The following STIM1 variants were observed in gnomAD, a reference collection of about 807,000 sequenced individuals.
STIM1 encodes the protein stromal interaction molecule 1.
STIM1 carries 25 observed loss-of-function variants against 74.7 expected under a neutral mutation model. That is an observed-to-expected ratio of 0.33 (90% CI 0.24 to 0.47). STIM1 has a LOEUF of 0.47. Among genes scored for constraint, STIM1 ranks in the 20% least tolerant of loss-of-function variants. STIM1 has a pLI of 1.00. For synonymous variants in STIM1, 328 were observed against 348.8 expected, an observed-to-expected ratio of 0.94 and a Z score of 0.66; for missense variants, 728 against 920.8, an observed-to-expected ratio of 0.79 and a Z score of 2.71.
At chr11:3,875,692 C>G (rs2135292679) in intron 1 of STIM1, among the ~76,000 whole-genome samples, 1 of 150,898 alleles carries the variant, frequency 6.6e-6, no homozygotes, top group African/African-American at 2.4e-5. Context: ...TGCCACTGCA[C>G]TCCAGCCTGG....
chr11:3,901,196 A>G (rs1295065625), intron 1 of STIM1, among the ~76,000 whole-genome samples: 1 of 152,166 alleles, frequency 6.6e-6, no homozygotes, highest in Non-Finnish European at 1.5e-5. Context: ...AATAAATAAA[A>G]TAAGTGTTCT....
intron 1 of STIM1, among the ~76,000 whole-genome samples, chr11:3,963,252 C>T (rs993634814): frequency 3.9e-5 from 6 of 152,240 alleles, no homozygotes; most frequent in African/African-American, 1.4e-4. Flanking sequence ...CTCCACCCTC[C>T]GAAAGGCCCC....
chr11:3,906,126 G>C (rs1340609877), intron 1 of STIM1, among the ~76,000 whole-genome samples: 1 of 152,238 alleles, frequency 6.6e-6, no homozygotes, highest in African/African-American at 2.4e-5. Flanking sequence ...CAGCTTCCAG[G>C]CCCAGAGGGG....
intron 1 of STIM1, among the ~76,000 whole-genome samples, chr11:3,934,770 T>A (rs1254002265): frequency 6.6e-6 from 1 of 152,238 alleles, no homozygotes; most frequent in Non-Finnish European, 1.5e-5. Flanking sequence ...CCATAGCCCT[T>A]CAAACATGCA....
At position 4,032,207 on chromosome 11, in the gene STIM1, C is replaced by T. The variant is rs190639620; in HGVS notation, c.385+8220C>T. On this transcript the variant is annotated intron_variant, in intron 3 of 12. Transcript: ENST00000526596. ...TGTTTAAGCTGAGTGCAGTAGCATA[C>T]ACTGTAGTCCCAGCTATTCAGGTGG... is the stretch of plus-strand genomic sequence containing the variant. 5.9e-5 allele frequency among the ~76,000 whole-genome samples: 9 copies of T among 152,196 alleles called. No homozygotes were observed. The East Asian group carries it at 1.5e-3, about 26-fold the overall frequency.
At chr11:4,021,774 G>A (rs931757857) in intron 2 of STIM1, among the ~76,000 whole-genome samples, 5 of 152,078 alleles carry the variant, frequency 3.3e-5, no homozygotes, top group South Asian at 4.2e-4. Flanking sequence ...GCTTTGGGTA[G>A]TATGAATATT....
chr11:4,074,534 T>C lies in STIM1; in HGVS notation c.824T>C (p.Val275Ala). 1 of 1,613,926 alleles carries C rather than the reference T, an allele frequency of 6.2e-7. No individual in the cohort carries two copies. Among genetic ancestry groups the C allele is most frequent in the Non-Finnish European group, 8.5e-7 (1 of 1,179,994 alleles). ...AAGGCCCAGGAGGAGCACCGCACAG[T>C]GGAGGTGGAGAAGGTCCATCTGGAA... is the stretch of plus-strand genomic sequence containing the variant. Reference protein sequence around the residue: ...LHKAQEEHRTVEVEKVHLEKK... With the variant: ...LHKAQEEHRTAEVEKVHLEKK... Residue 275 changes from valine (V) to alanine (A), a missense_variant, in exon 7 of 13, where the codon GTG (valine) becomes GCG (alanine). Around this residue, in one of 5 missense-constraint regions of STIM1, gnomAD observed 131 missense variants for 235.9 expected, o/e 0.56. Transcript: ENST00000526596.
At chr11:4,064,558 T>G (rs1408998424) in intron 5 of STIM1, among the ~76,000 whole-genome samples, 1 of 152,206 alleles carries the variant, frequency 6.6e-6, no homozygotes, top group Non-Finnish European at 1.5e-5. Flanking sequence ...TGAGCTATAA[T>G]AAAAATTCTG....
At chr11:4,078,569 CTT>C (rs769040845) in intron 7 of STIM1, among the ~76,000 whole-genome samples, 11 of 141,938 alleles carry the variant, frequency 7.7e-5, no homozygotes, top group Non-Finnish European at 9.3e-5. Flanking sequence ...TAGGACTCTA[CTT>C]TTTTTTTTTT....
chr11:4,087,078 G>A (rs532478825), intron 12 of STIM1, among the ~76,000 whole-genome samples: 1 of 152,186 alleles, frequency 6.6e-6, no homozygotes, highest in East Asian at 1.9e-4. Context: ...AATGAGTAAC[G>A]ACTTTCTTCC....
intron 1 of STIM1, among the ~76,000 whole-genome samples, chr11:3,901,957 G>A (rs183006246): frequency 8.5e-5 from 13 of 152,220 alleles, no homozygotes; most frequent in East Asian, 5.8e-4. Flanking sequence ...TTGTAGAGAC[G>A]GGGTTTTGCC....
chr11:3,873,464 A>G (rs1019811229), intron 1 of STIM1, among the ~76,000 whole-genome samples: 40 of 146,708 alleles, frequency 2.7e-4, no homozygotes, highest in Non-Finnish European at 4.5e-4. Context: ...TTTTGTGGAG[A>G]TGGATTTGCC....
chr11:4,019,529 G>C (rs1227379475), intron 2 of STIM1, among the ~76,000 whole-genome samples: 1 of 151,896 alleles, frequency 6.6e-6, no homozygotes, highest in Admixed American at 6.6e-5. Context: ...TAAAAAAATA[G>C]CTCGGTACCG....
chr11:3,958,215 T>G (rs1367811860), intron 1 of STIM1, among the ~76,000 whole-genome samples: 2 of 152,122 alleles, frequency 1.3e-5, no homozygotes, highest in Non-Finnish European at 2.9e-5. Context: ...TGGTCAAAAT[T>G]CAGAGCTTAG....
chr11:3,975,642 G>A (rs945776682), intron 2 of STIM1, among the ~76,000 whole-genome samples: 1 of 151,774 alleles, frequency 6.6e-6, no homozygotes, highest in Non-Finnish European at 1.5e-5. Context: ...GAAGAAGGAA[G>A]AAGGAAGAAG....
chr11:4,013,479 C>T (rs1271323786), intron 2 of STIM1, among the ~76,000 whole-genome samples: 2 of 151,792 alleles, frequency 1.3e-5, no homozygotes, highest in Admixed American at 1.3e-4. Context: ...GGAATTTATC[C>T]ATTTCTTCTA....
rs138823250 is a variant in STIM1 at position 3,873,342 on chromosome 11, C to T, written c.139+16933C>T. Among the ~76,000 whole-genome samples, 523 of 148,886 alleles carry T rather than the reference C, an allele frequency of 3.5e-3. 3 individuals carry two copies. The highest frequency in any genetic ancestry group is 0.012 in the African/African-American group (481 of 40,298). On this transcript the variant is annotated intron_variant, in intron 1 of 12. Transcript: ENST00000526596. Reference sequence around the variant, plus strand: ...CTGAGGCAGGAGAATCGCTTGAACCCGGGAGGCGTAGGTTGCAGTGAGCCG... The same window carrying T: ...CTGAGGCAGGAGAATCGCTTGAACCTGGGAGGCGTAGGTTGCAGTGAGCCG...
intron 3 of STIM1, among the ~76,000 whole-genome samples, chr11:4,051,781 G>A (rs952178257): frequency 6.6e-6 from 1 of 152,036 alleles, no homozygotes; most frequent in Non-Finnish European, 1.5e-5. Flanking sequence ...TGAGGAGCTG[G>A]GACTCTAGGT....
intron 2 of STIM1, among the ~76,000 whole-genome samples, chr11:3,994,450 C>A (rs1258948915): frequency 6.7e-6 from 1 of 148,450 alleles, no homozygotes; most frequent in Non-Finnish European, 1.5e-5. Context: ...ATTTTTCCTT[C>A]TCCTTTTTCT....
Sources: gnomAD v4.1 joint callset for allele counts (sites outside exome capture counted in the v4.1 genomes callset) on GRCh38, gnomAD v4.1.1 for gene constraint, gnomAD v4.1.1 regional missense constraint, MANE v1.5 for transcripts, NCBI Gene and HGNC (gene_info 2026-07-23, HGNC 2026-07-21) for gene names.